The following CHD9 variants were observed in gnomAD, a reference collection of about 807,000 sequenced individuals.
CHD9 encodes the protein ATP-dependent chromatin remodeler CHD9.
CHD9 carries 77 observed loss-of-function variants against 316.1 expected under a neutral mutation model. That is an observed-to-expected ratio of 0.24 (90% CI 0.20 to 0.29). The LOEUF (loss-of-function observed/expected upper bound fraction) is 0.29. Among genes scored for constraint, CHD9 ranks in the 10% least tolerant of loss-of-function variants. The pLI is 1.00. For synonymous variants in CHD9, 1,129 were observed against 1,158.3 expected (o/e 0.97, Z 0.51); for missense variants, 2,763 against 3,438.1 (o/e 0.80, Z 4.91).
intron 2 of CHD9, among the ~76,000 whole-genome samples, chr16:53,185,784 G>A (rs780148959): frequency 1.3e-5 from 2 of 152,230 alleles, no homozygotes; most frequent in Admixed American, 6.5e-5. Context: ...AGGGGCCAAC[G>A]TACAGCTCAG....
intron 38 of CHD9, among the ~76,000 whole-genome samples, chr16:53,322,679 G>A (rs991601371): frequency 1.3e-5 from 2 of 152,004 alleles, no homozygotes; most frequent in East Asian, 3.9e-4. Context: ...TAAGCTCTTG[G>A]GATAGTAAAG....
At chr16:53,109,112 C>T (rs1422721726) in intron 1 of CHD9, among the ~76,000 whole-genome samples, 2 of 152,036 alleles carry the variant, frequency 1.3e-5, no homozygotes, top group South Asian at 2.1e-4. Context: ...AAGAATGGTT[C>T]CTATCTCTCA....
At chr16:53,270,808 C>T (rs1222260456) in intron 22 of CHD9, among the ~76,000 whole-genome samples, 3 of 152,062 alleles carry the variant, frequency 2.0e-5, no homozygotes, top group African/African-American at 7.2e-5. Flanking sequence ...ACAGATTTCC[C>T]AAATGTCTTA....
In CHD9 at chr16:53,249,950, T is replaced by A. The variant is rs767293127; in HGVS notation, c.3745T>A (p.Ser1249Thr). ...TATAGATAGATTTAGTAAACCTGAT[T>A]CAGATAGATTTGTTTTTCTCCTGTG... is the stretch of plus-strand genomic sequence containing the variant. ...AAIDRFSKPD[S>T]DRFVFLLCTR... Residue 1249 changes from serine (S) to threonine (T), a missense_variant, in exon 17 of 39, where the codon TCA (serine) becomes ACA (threonine). Coordinates refer to ENST00000447540, the MANE Select transcript of CHD9 (RefSeq NM_001308319.2). The A allele has an allele frequency of 1.2e-6, 2 of 1,613,810 alleles. No homozygotes were observed. The highest frequency in any genetic ancestry group is 1.7e-6 in the Non-Finnish European group (2 of 1,179,760).
At chr16:53,148,581 T>C (rs1416599745) in intron 1 of CHD9, among the ~76,000 whole-genome samples, 1 of 152,244 alleles carries the variant, frequency 6.6e-6, no homozygotes, top group African/African-American at 2.4e-5. Flanking sequence ...TTTCTGTTTG[T>C]GTTTCACTAA....
intron 3 of CHD9, among the ~76,000 whole-genome samples, chr16:53,222,190 C>A (rs2047302055): frequency 6.6e-6 from 1 of 152,100 alleles, no homozygotes; most frequent in Admixed American, 6.5e-5. Flanking sequence ...GATTCTCCTG[C>A]CTCAGCCTCC....
chr16:53,222,493 A>G (rs1567508463), intron 3 of CHD9, 151 bp from the exon 4 acceptor site: 4 of 570,824 alleles, frequency 7.0e-6, no homozygotes, highest in Admixed American at 3.1e-5. Context: ...TGTTTTGAAA[A>G]TGTCAACGTG....
chr16:53,133,383 C>T (rs936612848), intron 1 of CHD9, among the ~76,000 whole-genome samples: 6 of 152,068 alleles, frequency 3.9e-5, no homozygotes, highest in African/African-American at 1.4e-4. Flanking sequence ...AGGAGAATCA[C>T]TTGAGCCAAG....
In CHD9 at chr16:53,192,852, C is replaced by T. The variant is rs575538038; in HGVS notation, c.1453-16630C>T. 4.8e-4 allele frequency among the ~76,000 whole-genome samples: 73 copies of T among 152,272 alleles called. 2 individuals are homozygous for T. The South Asian group carries it at 0.013, about 28-fold the overall frequency. On this transcript the variant is annotated intron_variant, in intron 2 of 38. Transcript: ENST00000447540. Reference sequence around the variant, plus strand: ...TATATTCCATTATATAAATGCACCACAAATTGTTTATGTATTCACAAGTTA... The same window carrying T: ...TATATTCCATTATATAAATGCACCATAAATTGTTTATGTATTCACAAGTTA...
At chr16:53,063,786 C>T (rs1044317067) in intron 1 of CHD9, among the ~76,000 whole-genome samples, 3 of 151,250 alleles carry the variant, frequency 2.0e-5, no homozygotes, top group Admixed American at 2.0e-4. Flanking sequence ...CCATCTCGGC[C>T]TCCCAAAATG....
Position 53,226,415 on chromosome 16 carries a change from T to C in CHD9, c.1946T>C (p.Ile649Thr), listed in dbSNP as rs185043204. Residue 649 changes from isoleucine to threonine, a missense_variant, in exon 5 of 39, where the codon ATA (isoleucine) becomes ACA (threonine). Ile to Thr is a moderately conservative substitution (Grantham distance 89, BLOSUM62 -1). Around this residue, in one of 15 missense-constraint regions of CHD9, gnomAD observed 859 missense variants for 890.4 expected, o/e 0.96. Coordinates refer to ENST00000447540, the MANE Select transcript of CHD9 (RefSeq NM_001308319.2). The part of the protein sequence containing the change: ...QIKRKKYAED[I>T]EGKQSEEEVK... Reference sequence around the variant, plus strand: ...AAAAGAAAAAAATACGCAGAAGATATAGAAGGGAAGCAATCTGAAGAAGAG... The same window carrying C: ...AAAAGAAAAAAATACGCAGAAGATACAGAAGGGAAGCAATCTGAAGAAGAG... The C allele has an allele frequency of 1.0e-4, 161 of 1,599,936 alleles. No homozygotes were observed. In the African/African-American group the frequency reaches 1.6e-3, roughly 16 times the overall value.
At chr16:53,263,134 T>G in intron 20 of CHD9, 37 bp downstream of exon 20, 2 of 1,454,782 alleles carry the variant, frequency 1.4e-6, no homozygotes, top group Non-Finnish European at 9.6e-7. Flanking sequence ...AACTTGCTTT[T>G]GGGATACTTT....
chr16:53,188,909 T>A (rs1421122354), intron 2 of CHD9, among the ~76,000 whole-genome samples: 2 of 152,024 alleles, frequency 1.3e-5, no homozygotes, highest in Non-Finnish European at 1.5e-5. Flanking sequence ...TAGAGAAATG[T>A]CTATTCAGAT....
chr16:53,170,538 CT>C (rs1312223813), intron 2 of CHD9, among the ~76,000 whole-genome samples: 1 of 150,404 alleles, frequency 6.6e-6, no homozygotes, highest in Non-Finnish European at 1.5e-5. Flanking sequence ...TTTGATTGAC[CT>C]TGTAAAATGC....
chr16:53,229,073 A>G lies in CHD9; in HGVS notation c.2259A>G (p.Gln753=). ...QQKIKRFKLR[Q]AQRAHFFADM... is the part of the protein sequence containing the mutation. ...AAATCAAACGATTCAAATTGAGACA[A>G]GCACAAAGAGCACATTTTTTTGCAG... Residue 753 remains glutamine (Q), a synonymous_variant, in exon 8 of 39, where the codon CAA becomes CAG. Transcript: ENST00000447540. 1 of 1,584,078 alleles carries G rather than the reference A, an allele frequency of 6.3e-7. No individual in the cohort carries two copies. Among genetic ancestry groups the G allele is most frequent in the Non-Finnish European group, 8.6e-7 (1 of 1,163,838 alleles).
At chr16:53,208,266 A>G (rs925211567) in intron 2 of CHD9, 2 of 1,234,976 alleles carry the variant, frequency 1.6e-6, no homozygotes, top group Non-Finnish European at 2.1e-6. Context: ...TTTCTTGAGC[A>G]CTGCCTGGGG....
chr16:53,211,957 C>G (rs935082674), intron 3 of CHD9, among the ~76,000 whole-genome samples: 6 of 152,144 alleles, frequency 3.9e-5, no homozygotes, highest in Non-Finnish European at 5.9e-5. Context: ...ATCATTTCAA[C>G]TAGCACCATT....
At chr16:53,314,121 T>C (rs1371770493) in intron 34 of CHD9, among the ~76,000 whole-genome samples, 1 of 151,726 alleles carries the variant, frequency 6.6e-6, no homozygotes, top group Non-Finnish European at 1.5e-5. Context: ...TGCTTCCTTC[T>C]CCAAGGAAGG....
chr16:53,138,357 T>G (rs956075290), intron 1 of CHD9, among the ~76,000 whole-genome samples: 2 of 152,150 alleles, frequency 1.3e-5, no homozygotes, highest in African/African-American at 4.8e-5. Context: ...GAGGATATAG[T>G]AGTGAAGATG....
Sources: allele counts gnomAD v4.1 joint callset (sites outside exome capture counted in the v4.1 genomes callset), GRCh38; gene constraint gnomAD v4.1.1; regional missense constraint gnomAD v4.1.1; transcripts MANE v1.5; gene names NCBI Gene and HGNC (gene_info 2026-07-23, HGNC 2026-07-21).